The following RARB variants were observed in gnomAD, a reference collection of about 807,000 sequenced individuals.
RARB encodes the protein HBV-activated protein.
Under a neutral mutation model 51.9 loss-of-function variants are expected in RARB, and 17 were observed. The ratio of observed to expected loss-of-function variants is 0.33; its 90% CI spans 0.22 to 0.49. The LOEUF (loss-of-function observed/expected upper bound fraction) is 0.49, where lower values mean the gene tolerates loss of function less well. Ranked by LOEUF, RARB falls within the 20% of genes least tolerant of loss-of-function variation. The pLI, the probability that RARB is intolerant of heterozygous loss-of-function variation, is 0.99. For synonymous variants in RARB, 215 were observed against 195.4 expected (o/e 1.10, Z -0.84); for missense variants, 369 against 550.8 (o/e 0.67, Z 3.30).
intron 2 of RARB, among the ~76,000 whole-genome samples, chr3:24,957,457 G>A (rs567961224): frequency 1.5e-4 from 23 of 152,254 alleles, no homozygotes; most frequent in Non-Finnish European, 3.1e-4. Context: ...GACGTCAAAT[G>A]TTCTCCCAGT....
intron 5 of RARB, among the ~76,000 whole-genome samples, chr3:25,582,088 C>T (rs563991385): frequency 6.6e-6 from 1 of 152,130 alleles, no homozygotes; most frequent in East Asian, 1.9e-4. Flanking sequence ...TAAACAGGAG[C>T]CCTTAGGGAT....
intron 3 of RARB, among the ~76,000 whole-genome samples, chr3:25,550,540 C>T (rs1405718916): frequency 6.6e-6 from 1 of 152,106 alleles, no homozygotes; most frequent in Non-Finnish European, 1.5e-5. Context: ...AGGGCTCCAC[C>T]CTCATGACTA....
At chr3:25,025,974 A>G (rs1305446520) in intron 2 of RARB, among the ~76,000 whole-genome samples, 3 of 152,160 alleles carry the variant, frequency 2.0e-5, no homozygotes, top group Non-Finnish European at 4.4e-5. Flanking sequence ...ATTCAACCTG[A>G]TAGTCTGCAA....
intron 2 of RARB, among the ~76,000 whole-genome samples, chr3:24,974,127 C>G (rs1170507370): frequency 6.6e-6 from 1 of 151,948 alleles, no homozygotes; most frequent in African/African-American, 2.4e-5. Flanking sequence ...TGTGTTCTTT[C>G]TATACCCAGT....
chr3:25,278,727 T>A (rs1703452161), intron 5 of RARB, among the ~76,000 whole-genome samples: 1 of 152,182 alleles, frequency 6.6e-6, no homozygotes, highest in Non-Finnish European at 1.5e-5. Context: ...CAAATTTGCA[T>A]GTGTACCATA....
chr3:25,273,264 A>T (rs1241694942), intron 5 of RARB, among the ~76,000 whole-genome samples: 1 of 152,196 alleles, frequency 6.6e-6, no homozygotes, highest in Non-Finnish European at 1.5e-5. Context: ...GGCCTCAGCT[A>T]TCGTGCATGA....
chr3:25,503,732 A>C (rs1697428154), intron 3 of RARB, among the ~76,000 whole-genome samples: 1 of 152,244 alleles, frequency 6.6e-6, no homozygotes, highest in African/African-American at 2.4e-5. Flanking sequence ...GGATATTTTT[A>C]AAGTTGAAAC....
intron 3 of RARB, among the ~76,000 whole-genome samples, chr3:25,517,827 A>G (rs1423628289): frequency 2.0e-5 from 3 of 152,214 alleles, no homozygotes; most frequent in Non-Finnish European, 2.9e-5. Flanking sequence ...GGAATGAAAT[A>G]TTGATATATG....
intron 1 of RARB, among the ~76,000 whole-genome samples, chr3:25,439,673 C>T (rs1708578491): frequency 6.6e-6 from 1 of 152,202 alleles, no homozygotes; most frequent in South Asian, 2.1e-4. Context: ...GCTGGAATTA[C>T]AGGTGTGAGC....
intron 5 of RARB, among the ~76,000 whole-genome samples, chr3:25,179,522 C>T (rs956757225): frequency 1.3e-5 from 2 of 152,146 alleles, no homozygotes. Flanking sequence ...TCATTTATAT[C>T]TATGTATCCT....
chr3:24,955,476 G>A (rs1174071863), intron 2 of RARB, among the ~76,000 whole-genome samples: 5 of 152,086 alleles, frequency 3.3e-5, no homozygotes, highest in African/African-American at 1.2e-4. Flanking sequence ...CTTTGCCAGG[G>A]AACCACACTC....
chr3:25,446,992 A>G (rs1708975539), intron 1 of RARB, among the ~76,000 whole-genome samples: 1 of 147,822 alleles, frequency 6.8e-6, no homozygotes, highest in Admixed American at 6.7e-5. Flanking sequence ...CAGTTTCCTC[A>G]GGTGAATAAC....
chr3:25,192,984 A>C (rs1701142145), intron 5 of RARB, among the ~76,000 whole-genome samples: 1 of 152,082 alleles, frequency 6.6e-6, no homozygotes, highest in African/African-American at 2.4e-5. Flanking sequence ...GAAGCTCTAA[A>C]TAAATGTTGC....
rs529937651 is a variant in RARB at position 25,174,390 on chromosome 3, C to A, written c.-8C>A. The stretch of plus-strand genomic sequence containing the variant: ...CCAGAGCACCTTTCTTTCTGTGAGG[C>A]CCGAAACATGACCACCAGCGGCCAC... On this transcript the variant is annotated 5_prime_UTR_variant, in exon 5 of 12. Coordinates refer to the RARB transcript ENST00000383772. The A allele has an allele frequency of 6.7e-6, 9 of 1,352,014 alleles. No homozygotes were observed. The African/African-American group carries it at 1.0e-4, about 15-fold the overall frequency. 83.8% of individuals were successfully genotyped at this position (1,352,014 alleles called of 1,614,324 possible). A position where few individuals can be genotyped will look rare whatever the true frequency, so the allele number is the denominator to read the frequency against.
At chr3:24,981,751 G>A (rs1030985397) in intron 2 of RARB, among the ~76,000 whole-genome samples, 4 of 152,132 alleles carry the variant, frequency 2.6e-5, no homozygotes, top group Non-Finnish European at 4.4e-5. Context: ...TGGGTAAGGC[G>A]ATTCCCTGTT....
At chr3:25,294,534 C>T (rs771971688) in intron 5 of RARB, among the ~76,000 whole-genome samples, 2 of 152,142 alleles carry the variant, frequency 1.3e-5, no homozygotes, top group Non-Finnish European at 2.9e-5. Context: ...AACAGAAAGC[C>T]ACTACCCCTC....
intron 5 of RARB, among the ~76,000 whole-genome samples, chr3:25,239,280 T>C (rs950025707): frequency 6.6e-6 from 1 of 152,218 alleles, no homozygotes; most frequent in Non-Finnish European, 1.5e-5. Context: ...TTGTTTCCTC[T>C]GCTGATCAGA....
At chr3:25,238,494 A>G (rs1180721389) in intron 5 of RARB, among the ~76,000 whole-genome samples, 1 of 152,094 alleles carries the variant, frequency 6.6e-6, no homozygotes, top group African/African-American at 2.4e-5. Flanking sequence ...CCTTTGATAT[A>G]CTGATGTTTT....
intron 2 of RARB, among the ~76,000 whole-genome samples, chr3:24,877,326 A>G (rs1047953877): frequency 5.1e-5 from 6 of 116,548 alleles, no homozygotes; most frequent in African/African-American, 2.4e-4. Context: ...ACATGATAGT[A>G]ATTTTTTAAA....
Sources: allele counts gnomAD v4.1 joint callset (sites outside exome capture counted in the v4.1 genomes callset), GRCh38; gene constraint gnomAD v4.1.1; transcripts MANE v1.5; gene names NCBI Gene and HGNC (gene_info 2026-07-23, HGNC 2026-07-21).